ROBO2: variants seen among roughly 807,000 people sequenced by gnomAD.
ROBO2 encodes the protein roundabout homolog 2.
In ROBO2, 53 loss-of-function variants were observed where a neutral mutation model predicts 160.8. That is an observed-to-expected ratio of 0.33 (90% CI 0.26 to 0.41). The LOEUF is 0.41. Ranked by LOEUF, ROBO2 falls within the 10% of genes least tolerant of loss-of-function variation. The probability of loss-of-function intolerance (pLI) is 1.00; values close to 1 mark genes in which losing one functional copy is unlikely to be tolerated. For missense variants in ROBO2, 1,577 were observed against 1,722.4 expected (o/e 0.92, Z 1.49); for synonymous variants, 664 against 611.7 (o/e 1.09, Z -1.26).
At chr3:76,400,325 T>C (rs2077739952) in intron 2 of ROBO2, among the ~76,000 whole-genome samples, 1 of 151,584 alleles carries the variant, frequency 6.6e-6, no homozygotes, top group Non-Finnish European at 1.5e-5. Flanking sequence ...CTCTCCTTCC[T>C]CAGTCATGAG....
chr3:76,946,982 T>A lies in ROBO2; in HGVS notation c.110-151032T>A, dbSNP rs72900163. Reference sequence around the variant, plus strand: ...ATGTCTTGAAAATCATTCTTGTGTATATTTAGTCTAACGTTTTAATTGTTT... The same window carrying A: ...ATGTCTTGAAAATCATTCTTGTGTAAATTTAGTCTAACGTTTTAATTGTTT... On this transcript the variant is annotated intron_variant, in intron 2 of 26. Transcript: ENST00000487694. 7.1e-3 allele frequency among the ~76,000 whole-genome samples: 1,081 copies of A among 152,354 alleles called. 13 individuals are homozygous for A. The highest frequency in any genetic ancestry group is 0.024 in the African/African-American group (1,013 of 41,588).
Position 76,095,195 on chromosome 3 carries a change from T to C in ROBO2, c.109+157593T>C, listed in dbSNP as rs542629244. Reference sequence around the variant, plus strand: ...TGAACAGAGAGAGAAAATCCAAATATGGAACTTTGTTGCTGATATCAGAAC... The same window carrying C: ...TGAACAGAGAGAGAAAATCCAAATACGGAACTTTGTTGCTGATATCAGAAC... On this transcript the variant is annotated intron_variant, in intron 2 of 26. Coordinates refer to the ROBO2 transcript ENST00000487694. Among the ~76,000 whole-genome samples the C allele has an allele frequency of 3.3e-5, 5 of 151,916 alleles. No homozygotes were observed. The South Asian group carries it at 1.0e-3, about 32-fold the overall frequency.
intron 2 of ROBO2, among the ~76,000 whole-genome samples, chr3:76,788,012 T>A (rs1473352306): frequency 6.6e-6 from 1 of 151,010 alleles, no homozygotes; most frequent in Admixed American, 6.6e-5. Context: ...CAAACTTGAG[T>A]CCAAATAGAA....
chr3:76,585,687 G>C (rs918506373), intron 2 of ROBO2, among the ~76,000 whole-genome samples: 2 of 152,024 alleles, frequency 1.3e-5, no homozygotes, highest in African/African-American at 4.8e-5. Context: ...AAGACAAGGG[G>C]GTATATGACT....
intron 2 of ROBO2, among the ~76,000 whole-genome samples, chr3:76,757,077 CTATT>C (rs1333029975): frequency 1.3e-5 from 2 of 151,752 alleles, no homozygotes; most frequent in Non-Finnish European, 2.9e-5. Flanking sequence ...ATTTTGCAAT[CTATT>C]TAAGGTATTT....
intron 1 of ROBO2, among the ~76,000 whole-genome samples, chr3:77,041,829 A>G (rs746672258): frequency 8.5e-5 from 13 of 152,280 alleles, no homozygotes; most frequent in Non-Finnish European, 1.2e-4. Flanking sequence ...GGATTGCAGT[A>G]CTTTAGGTTT....
At chr3:77,227,771 A>C (rs529990948) in intron 2 of ROBO2, among the ~76,000 whole-genome samples, 18 of 152,234 alleles carry the variant, frequency 1.2e-4, no homozygotes, top group Non-Finnish European at 1.9e-4. Flanking sequence ...CACTCAAGTC[A>C]ATCAAATAAC....
intron 2 of ROBO2, among the ~76,000 whole-genome samples, chr3:76,621,018 T>C (rs961455697): frequency 6.6e-6 from 1 of 152,186 alleles, no homozygotes; most frequent in African/African-American, 2.4e-5. Flanking sequence ...TCTGTTGCGA[T>C]TTTCAGTCCT....
At chr3:77,384,024 A>G (rs970622160) in intron 2 of ROBO2, among the ~76,000 whole-genome samples, 5 of 152,164 alleles carry the variant, frequency 3.3e-5, no homozygotes, top group African/African-American at 4.8e-5. Context: ...TGACAAATGT[A>G]AAATATGCCG....
intron 2 of ROBO2, among the ~76,000 whole-genome samples, chr3:76,275,567 T>C (rs1441048692): frequency 6.6e-6 from 1 of 152,162 alleles, no homozygotes; most frequent in African/African-American, 2.4e-5. Flanking sequence ...ACAGGAATCT[T>C]AGCAGCTCGA....
At chr3:75,996,124 T>A (rs766728962) in intron 2 of ROBO2, among the ~76,000 whole-genome samples, 3 of 152,128 alleles carry the variant, frequency 2.0e-5, no homozygotes, top group Admixed American at 1.3e-4. Flanking sequence ...TGAGAAGGCA[T>A]GGTTTGTTTT....
chr3:77,472,102 C>T (rs1344140529), intron 2 of ROBO2, among the ~76,000 whole-genome samples: 2 of 151,912 alleles, frequency 1.3e-5, no homozygotes, highest in African/African-American at 4.8e-5. Context: ...ATTTTCTAAG[C>T]CACAATGAGA....
intron 2 of ROBO2, among the ~76,000 whole-genome samples, chr3:76,444,799 T>C (rs975357076): frequency 1.2e-4 from 18 of 152,348 alleles, no homozygotes; most frequent in Admixed American, 3.9e-4. Context: ...ACTGGTGTTA[T>C]AATAATCCTA....
At chr3:77,098,291 G>A (rs768750709) in exon 2 of ROBO2, 1 of 1,614,226 alleles carries the variant, frequency 6.2e-7, no homozygotes, top group Non-Finnish European at 8.5e-7. Context: ...GTGTTGCGAG[G>A]AACTATCTTG....
chr3:76,677,525 T>A (rs2092440369), intron 2 of ROBO2, among the ~76,000 whole-genome samples: 1 of 152,090 alleles, frequency 6.6e-6, no homozygotes, highest in African/African-American at 2.4e-5. Context: ...AAGAAAATAA[T>A]CTGTAGAGAA....
chr3:77,438,455 G>T (rs1453524144), intron 2 of ROBO2, among the ~76,000 whole-genome samples: 1 of 151,658 alleles, frequency 6.6e-6, no homozygotes, highest in Non-Finnish European at 1.5e-5. Context: ...ACCTACGAGA[G>T]AGAGCAGGTT....
chr3:76,896,425 T>A (rs1482876379), intron 2 of ROBO2, among the ~76,000 whole-genome samples: 1 of 152,158 alleles, frequency 6.6e-6, no homozygotes, highest in Non-Finnish European at 1.5e-5. Flanking sequence ...ATGTATTGAC[T>A]ACTTAAATCC....
At chr3:77,033,965 C>G (rs1412605694) in intron 2 of ROBO2, among the ~76,000 whole-genome samples, 1 of 151,656 alleles carries the variant, frequency 6.6e-6, no homozygotes, top group East Asian at 1.9e-4. Context: ...AAAATTTGTA[C>G]CTAGTTGTCA....
intron 24 of ROBO2, among the ~76,000 whole-genome samples, chr3:77,635,904 G>A (rs2095255448): frequency 6.6e-6 from 1 of 152,112 alleles, no homozygotes; most frequent in Non-Finnish European, 1.5e-5. Flanking sequence ...CCACAAATCT[G>A]GACTCTGCAA....
Sources: gnomAD v4.1 joint callset for allele counts (sites outside exome capture counted in the v4.1 genomes callset) on GRCh38, gnomAD v4.1.1 for gene constraint, MANE v1.5 for transcripts, NCBI Gene and HGNC (gene_info 2026-07-23, HGNC 2026-07-21) for gene names.